Variants in MAD1L1 observed in about 807,000 individuals in gnomAD.
MAD1L1 encodes mitotic arrest deficient 1 like 1.
A neutral mutation model predicts 96.9 loss-of-function variants in MAD1L1; 95 were observed. That is an observed-to-expected ratio of 0.98 (90% CI 0.83 to 1.16). MAD1L1 has a LOEUF of 1.16. Ranked by LOEUF, MAD1L1 falls within the 50% of genes most tolerant of loss-of-function variation. The probability of loss-of-function intolerance (pLI) is 0.00; values close to 1 mark genes in which losing one functional copy is unlikely to be tolerated. For synonymous variants in MAD1L1, 473 were observed against 396.6 expected (o/e 1.19, Z -2.29); for missense variants, 1,007 against 954.4 (o/e 1.06, Z -0.73).
chr7:2,000,819 C>G (rs985244692), intron 14 of MAD1L1, among the ~76,000 whole-genome samples: 12 of 152,244 alleles, frequency 7.9e-5, no homozygotes, highest in African/African-American at 2.9e-4. Context: ...CCCACCTGGC[C>G]TTGGTCCTGC....
At chr7:2,151,119 G>A (rs565674380) in intron 10 of MAD1L1, among the ~76,000 whole-genome samples, 16 of 152,174 alleles carry the variant, frequency 1.1e-4, no homozygotes, top group Non-Finnish European at 2.1e-4. Flanking sequence ...ATATCAGTAC[G>A]AAAGTAAGGA....
chr7:1,925,813 C>T (rs951433408), intron 17 of MAD1L1, among the ~76,000 whole-genome samples: 3 of 152,172 alleles, frequency 2.0e-5, no homozygotes, highest in Middle Eastern at 3.2e-3. Context: ...TAACACGGAA[C>T]GCTTACGTTG....
intron 12 of MAD1L1, among the ~76,000 whole-genome samples, chr7:2,058,988 G>A (rs1376967139): frequency 1.6e-5 from 2 of 122,392 alleles, no homozygotes; most frequent in African/African-American, 3.4e-5. Flanking sequence ...GGGGAGAGGC[G>A]CAGGGCTGGA....
intron 17 of MAD1L1, among the ~76,000 whole-genome samples, chr7:1,923,533 G>GCTCTTCCGCCCC (rs1554296518): frequency 2.0e-5 from 3 of 152,318 alleles, no homozygotes; most frequent in Non-Finnish European, 4.4e-5. Context: ...GCAATCCTGC[G>GCTCTTCCGCCCC]GAGGTACAGC....
At chr7:2,149,533 A>G (rs1203062773) in intron 10 of MAD1L1, among the ~76,000 whole-genome samples, 1 of 152,202 alleles carries the variant, frequency 6.6e-6, no homozygotes. Context: ...AAACGAAATC[A>G]TGTTTAAAAA....
At chr7:1,818,703 T>C (rs1781960611) in intron 18 of MAD1L1, among the ~76,000 whole-genome samples, 1 of 152,134 alleles carries the variant, frequency 6.6e-6, no homozygotes, top group South Asian at 2.1e-4. Flanking sequence ...CTGATCATTC[T>C]TTATTTGAAA....
At chr7:2,128,846 A>AT (rs1788366379) in intron 11 of MAD1L1, among the ~76,000 whole-genome samples, 3 of 152,192 alleles carry the variant, frequency 2.0e-5, no homozygotes, top group Non-Finnish European at 2.9e-5. Context: ...ACAAGGCCCC[A>AT]TCTTCAGCTC....
chr7:1,994,943 G>A (rs1781493564), intron 14 of MAD1L1, among the ~76,000 whole-genome samples: 1 of 152,226 alleles, frequency 6.6e-6, no homozygotes, highest in Non-Finnish European at 1.5e-5. Flanking sequence ...GCTTCCCAAA[G>A]TGCTGGGATT....
At chr7:2,051,184 G>A (rs1784150698) in intron 12 of MAD1L1, among the ~76,000 whole-genome samples, 1 of 152,164 alleles carries the variant, frequency 6.6e-6, no homozygotes, top group Non-Finnish European at 1.5e-5. Flanking sequence ...CACCCTGCAG[G>A]CCCTGCTTGT....
intron 18 of MAD1L1, among the ~76,000 whole-genome samples, chr7:1,854,663 G>GCGGCGTCAGGCCGTC: frequency 6.6e-6 from 1 of 152,272 alleles, no homozygotes; most frequent in Non-Finnish European, 1.5e-5. Context: ...CGTGGGAACT[G>GCGGCGTCAGGCCGTC]CGGGACACAA....
At chr7:2,073,853 G>A (rs1390815867) in intron 11 of MAD1L1, among the ~76,000 whole-genome samples, 2 of 152,166 alleles carry the variant, frequency 1.3e-5, no homozygotes, top group East Asian at 1.9e-4. Context: ...ACACATTCCC[G>A]GCTGAGGGAC....
In MAD1L1 at chr7:1,896,040, G is replaced by A. The variant is rs192627120; in HGVS notation, c.1998+2160C>T. On this transcript the variant is annotated intron_variant, in intron 18 of 18. Transcript: ENST00000265854. ...TGCAGGAACCACGGCTCCTCAGGGC[G>A]AGCCCGGCCTCCCGTACGCTGTGTG... Among the ~76,000 whole-genome samples, 44 of 152,330 alleles carry A rather than the reference G, an allele frequency of 2.9e-4. No individual in the cohort carries two copies. In the East Asian group the frequency reaches 5.8e-3, roughly 20 times the overall value.
At chr7:1,849,066 A>AAATG (rs1386525383) in intron 18 of MAD1L1, 4,978 of 153,356 alleles carry the variant, frequency 0.032, 109 homozygotes, top group Non-Finnish European at 0.052. Flanking sequence ...ACACACACAC[A>AAATG]CACACACAAA....
chr7:2,115,616 C>A (rs11770255), intron 11 of MAD1L1, among the ~76,000 whole-genome samples: 5 of 150,322 alleles, frequency 3.3e-5, no homozygotes, highest in African/African-American at 1.2e-4. Flanking sequence ...GCGTGTTCCC[C>A]GGTCACAGGA....
intron 11 of MAD1L1, among the ~76,000 whole-genome samples, chr7:2,113,198 G>A (rs1787473083): frequency 1.3e-5 from 2 of 152,204 alleles, no homozygotes; most frequent in Admixed American, 6.5e-5. Flanking sequence ...GAAGAGACGG[G>A]CGGACAGAAA....
chr7:1,900,934 C>T (rs1462992457), intron 17 of MAD1L1, among the ~76,000 whole-genome samples: 1 of 152,166 alleles, frequency 6.6e-6, no homozygotes, highest in African/African-American at 2.4e-5. Flanking sequence ...GGGGCCCCCT[C>T]TCAGAGGCGA....
At chr7:2,031,722 C>T (rs963431163) in intron 12 of MAD1L1, among the ~76,000 whole-genome samples, 2 of 152,246 alleles carry the variant, frequency 1.3e-5, no homozygotes, top group Admixed American at 1.3e-4. Flanking sequence ...GGACGTGACC[C>T]TCGCAAGGTC....
intron 18 of MAD1L1, chr7:1,838,521 G>A (rs1366206717): frequency 1.2e-5 from 4 of 332,658 alleles, no homozygotes; most frequent in African/African-American, 2.2e-5. Context: ...GCGTCAGCAC[G>A]TGGTCCAATG....
chr7:2,131,351 C>T (rs1316121840), intron 11 of MAD1L1, among the ~76,000 whole-genome samples: 2 of 152,120 alleles, frequency 1.3e-5, no homozygotes, highest in East Asian at 1.9e-4. Context: ...AAATGGCTTA[C>T]GCACCATAAA....
Sources: allele counts gnomAD v4.1 joint callset (sites outside exome capture counted in the v4.1 genomes callset), GRCh38; gene constraint gnomAD v4.1.1; transcripts MANE v1.5; gene names NCBI Gene and HGNC (gene_info 2026-07-23, HGNC 2026-07-21).